Variants in NLGN1 observed in about 807,000 individuals in gnomAD.
NLGN1 encodes neuroligin-1.
NLGN1 carries 12 observed loss-of-function variants against 65.5 expected under a neutral mutation model. The observed-to-expected ratio is 0.18, with a 90% confidence interval of 0.12 to 0.30. The LOEUF is 0.30. NLGN1 is among the 10% of genes least tolerant of loss of function. The probability of loss-of-function intolerance (pLI) is 1.00; values close to 1 mark genes in which losing one functional copy is unlikely to be tolerated. For missense variants in NLGN1, 750 were observed against 1,007.1 expected, an observed-to-expected ratio of 0.74 and a Z score of 3.46; for synonymous variants, 350 against 359.5, an observed-to-expected ratio of 0.97 and a Z score of 0.30.
intron 4 of NLGN1, among the ~76,000 whole-genome samples, chr3:173,822,747 A>G (rs1347385221): frequency 6.6e-6 from 1 of 152,114 alleles, no homozygotes; most frequent in Non-Finnish European, 1.5e-5. Flanking sequence ...GTGGCTTGCC[A>G]AGTTCATCAG....
At chr3:173,736,885 C>G (rs1412469689) in intron 3 of NLGN1, among the ~76,000 whole-genome samples, 1 of 151,976 alleles carries the variant, frequency 6.6e-6, no homozygotes, top group Non-Finnish European at 1.5e-5. Context: ...CATAATACCT[C>G]TGTTTAATTA....
intron 4 of NLGN1, among the ~76,000 whole-genome samples, chr3:174,176,153 A>T (rs1729410405): frequency 6.6e-6 from 1 of 151,920 alleles, no homozygotes; most frequent in African/African-American, 2.4e-5. Context: ...TTTACAAGTC[A>T]TGTTGGGAAG....
chr3:173,623,612 G>T (rs560610795), intron 3 of NLGN1, among the ~76,000 whole-genome samples: 1 of 152,190 alleles, frequency 6.6e-6, no homozygotes, highest in South Asian at 2.1e-4. Flanking sequence ...GTTGAGCTGG[G>T]GAACAGGTAA....
intron 4 of NLGN1, among the ~76,000 whole-genome samples, chr3:174,057,082 G>A (rs1173286474): frequency 2.6e-5 from 4 of 151,838 alleles, no homozygotes; most frequent in Non-Finnish European, 5.9e-5. Flanking sequence ...ATGTTCCACA[G>A]CTTCTTATAG....
intron 4 of NLGN1, among the ~76,000 whole-genome samples, chr3:173,831,419 A>T (rs890576876): frequency 3.3e-5 from 5 of 152,216 alleles, no homozygotes; most frequent in Admixed American, 3.3e-4. Flanking sequence ...GGCATAATAA[A>T]GTAGACAAAT....
chr3:174,067,564 A>G (rs7612271), intron 4 of NLGN1, among the ~76,000 whole-genome samples: 38,279 of 151,976 alleles, frequency 0.25, 6,937 homozygotes, highest in African/African-American at 0.52. Flanking sequence ...CAACGTAGGC[A>G]GATCTGAGTA....
chr3:174,240,512 C>T (rs1171973858), intron 4 of NLGN1, among the ~76,000 whole-genome samples: 6 of 152,040 alleles, frequency 3.9e-5, no homozygotes, highest in African/African-American at 1.4e-4. Flanking sequence ...ACCAAGAACG[C>T]TGTCATTATA....
At chr3:173,993,685 T>TAGAC (rs71689462) in intron 4 of NLGN1, among the ~76,000 whole-genome samples, 1 of 151,904 alleles carries the variant, frequency 6.6e-6, no homozygotes, top group African/African-American at 2.4e-5. Context: ...GATAGATAGA[T>TAGAC]AGATAGATAG....
chr3:173,716,697 G>A (rs1284717488), intron 3 of NLGN1, among the ~76,000 whole-genome samples: 1 of 152,118 alleles, frequency 6.6e-6, no homozygotes, highest in Non-Finnish European at 1.5e-5. Context: ...GAGTTTTAGT[G>A]TTGCTGGGAG....
chr3:173,396,264 C>G (rs1716627839), upstream of NLGN1: 1 of 151,950 alleles, frequency 6.6e-6, no homozygotes, highest in South Asian at 2.1e-4. Context: ...AATTTTTTTC[C>G]TTCTCCCTCT....
chr3:173,472,327 A>G (rs1725450908), intron 2 of NLGN1, among the ~76,000 whole-genome samples: 1 of 151,944 alleles, frequency 6.6e-6, no homozygotes, highest in South Asian at 2.1e-4. Flanking sequence ...CATTTCTATT[A>G]TTTTTATCCT....
intron 4 of NLGN1, among the ~76,000 whole-genome samples, chr3:173,861,548 GTGTGTGTGTATATACACACACACATA>G (rs1729095027): frequency 7.0e-6 from 1 of 142,060 alleles, no homozygotes. Flanking sequence ...GTGTGTGTGT[GTGTGTGTGTATATACACACACACATA>G]TATATACACA....
intron 4 of NLGN1, among the ~76,000 whole-genome samples, chr3:174,010,357 A>G (rs1395601721): frequency 6.6e-6 from 1 of 152,140 alleles, no homozygotes; most frequent in Non-Finnish European, 1.5e-5. Flanking sequence ...AGTTATGTAA[A>G]GGGACAGTCC....
chr3:174,033,545 C>T (rs914943623), intron 4 of NLGN1, among the ~76,000 whole-genome samples: 4 of 150,520 alleles, frequency 2.7e-5, no homozygotes, highest in South Asian at 2.1e-4. Flanking sequence ...TTCATGTGTT[C>T]GTTGCTCTAA....
At chr3:174,066,338 T>C (rs986245968) in intron 4 of NLGN1, among the ~76,000 whole-genome samples, 1 of 152,032 alleles carries the variant, frequency 6.6e-6, no homozygotes, top group Non-Finnish European at 1.5e-5. Flanking sequence ...ATTATCTGCC[T>C]CAAAGGAAAA....
chr3:173,846,027 T>A (rs1725729613), intron 4 of NLGN1, among the ~76,000 whole-genome samples: 1 of 152,098 alleles, frequency 6.6e-6, no homozygotes, highest in Non-Finnish European at 1.5e-5. Context: ...GCAATCCTCC[T>A]GCCTCAGCCT....
chr3:173,739,360 C>A (rs1338435693), intron 3 of NLGN1, among the ~76,000 whole-genome samples: 3 of 151,768 alleles, frequency 2.0e-5, no homozygotes, highest in Non-Finnish European at 4.4e-5. Context: ...AGATGAAAAG[C>A]ACATGTATCT....
At chr3:173,686,263 G>A (rs572328311) in intron 3 of NLGN1, among the ~76,000 whole-genome samples, 3 of 148,478 alleles carry the variant, frequency 2.0e-5, no homozygotes, top group South Asian at 2.1e-4. Context: ...AACGCAAAGC[G>A]CTTGACTAAA....
chr3:173,758,147 A>T (rs1357820407), intron 3 of NLGN1, among the ~76,000 whole-genome samples: 2 of 152,082 alleles, frequency 1.3e-5, no homozygotes, highest in Non-Finnish European at 2.9e-5. Context: ...ATGTGCATGT[A>T]ATGAGCAAAG....
Sources: allele counts gnomAD v4.1 joint callset (sites outside exome capture counted in the v4.1 genomes callset), GRCh38; gene constraint gnomAD v4.1.1; transcripts MANE v1.5; gene names NCBI Gene and HGNC (gene_info 2026-07-23, HGNC 2026-07-21).